RASGRP3: variants seen among roughly 807,000 people sequenced by gnomAD.
The protein encoded by RASGRP3 is ras guanyl-releasing protein 3.
RASGRP3 carries 54 observed loss-of-function variants against 82.7 expected under a neutral mutation model. The ratio of observed to expected loss-of-function variants is 0.65; its 90% CI spans 0.52 to 0.82. The LOEUF (loss-of-function observed/expected upper bound fraction) is 0.82, where lower values mean the gene tolerates loss of function less well. Ranked by LOEUF, RASGRP3 falls within the 40% of genes least tolerant of loss-of-function variation. The pLI is 0.00. For synonymous variants in RASGRP3, 309 were observed against 300.5 expected, an observed-to-expected ratio of 1.03 and a Z score of -0.29; for missense variants, 861 against 828.9, an observed-to-expected ratio of 1.04 and a Z score of -0.48.
chr2:33,545,618 C>A (rs1392312715), intron 13 of RASGRP3, among the ~76,000 whole-genome samples: 2 of 152,114 alleles, frequency 1.3e-5, no homozygotes, highest in East Asian at 3.8e-4. Flanking sequence ...TTGGCCTCTT[C>A]ATTATGAAAT....
At chr2:33,521,658 A>G (rs1190170273) in intron 6 of RASGRP3, among the ~76,000 whole-genome samples, 1 of 152,202 alleles carries the variant, frequency 6.6e-6, no homozygotes, top group Admixed American at 6.5e-5. Context: ...AAACTCCCAA[A>G]TTTATATACT....
chr2:33,449,764 A>G (rs1665688215), intron 2 of RASGRP3, among the ~76,000 whole-genome samples: 1 of 152,222 alleles, frequency 6.6e-6, no homozygotes, highest in South Asian at 2.1e-4. Flanking sequence ...TCTCCAAAAA[A>G]AAAAGGAATA....
chr2:33,452,000 GGCTACTGTTGAA>G (rs1328732599), intron 2 of RASGRP3, among the ~76,000 whole-genome samples: 4 of 151,722 alleles, frequency 2.6e-5, no homozygotes, highest in African/African-American at 9.7e-5. Context: ...GCTTGATTGA[GGCTACTGTTGAA>G]GCTCTCTATG....
chr2:33,447,373 A>G lies in RASGRP3; in HGVS notation c.-384-447A>G, dbSNP rs369862501. 6.6e-5 allele frequency among the ~76,000 whole-genome samples: 10 copies of G among 152,180 alleles called. No individual in the cohort carries two copies. In the South Asian group the frequency reaches 1.0e-3, roughly 16 times the overall value. On this transcript the variant is annotated intron_variant, in intron 1 of 18. Transcript: ENST00000402538. ...CTCTGGTAATGGAGGCCCTCTGACA[A>G]AGACAAAACATAGGGTAATTGTGCC... is the stretch of plus-strand genomic sequence containing the variant.
intron 2 of RASGRP3, among the ~76,000 whole-genome samples, chr2:33,512,836 AAC>A (rs1261345159): frequency 2.0e-5 from 3 of 152,224 alleles, no homozygotes; most frequent in African/African-American, 7.2e-5. Flanking sequence ...CCAGAGAACA[AAC>A]ACAAAAATCC....
At chr2:33,475,679 A>G (rs747729303), upstream of RASGRP3, among the ~76,000 whole-genome samples, 8 of 152,194 alleles carry the variant, frequency 5.3e-5, no homozygotes, top group Non-Finnish European at 8.8e-5. Context: ...AAAGTCAGAT[A>G]CTTCAAGGGC....
intron 12 of RASGRP3, among the ~76,000 whole-genome samples, chr2:33,542,657 T>TCCC (rs371980711): frequency 5.6e-5 from 8 of 143,374 alleles, no homozygotes; most frequent in African/African-American, 2.0e-4. Context: ...ACCTCCTCTT[T>TCCC]CCCCCCCCCA....
At chr2:33,537,384 G>A (rs1181397841) in intron 11 of RASGRP3, among the ~76,000 whole-genome samples, 6 of 134,156 alleles carry the variant, frequency 4.5e-5, no homozygotes, top group South Asian at 2.4e-4. Context: ...TTTTTGAAAC[G>A]GAGTCTTGCT....
In RASGRP3 at chr2:33,516,627, A is replaced by G. The variant is rs375072987; in HGVS notation, c.156A>G (p.Ala52=). The stretch of plus-strand genomic sequence containing the variant: ...GGTATTTATCTTCCACTGAATTGGC[A>G]GAAAAACTTCTCTGCATATATCTTT... The part of the protein sequence containing the change: ...HRWYLSSTEL[A]EKLLCMYRNA... The change falls in exon 4 of 18, where the codon GCA becomes GCG. Residue 52 remains alanine (A), a synonymous_variant. Coordinates refer to ENST00000403687, the MANE Select transcript of RASGRP3 (RefSeq NM_001139488.2). 2.8e-5 allele frequency: 44 copies of G among 1,568,478 alleles called. No homozygotes were observed. The African/African-American group carries it at 4.4e-4, about 16-fold the overall frequency.
chr2:33,439,152 A>C (rs553454425), intron 1 of RASGRP3, among the ~76,000 whole-genome samples: 1 of 152,328 alleles, frequency 6.6e-6, no homozygotes, highest in East Asian at 1.9e-4. Flanking sequence ...GCAGCACCAC[A>C]CCATGAACAC....
chr2:33,559,445 CTT>C (rs1676398981), intron 17 of RASGRP3, among the ~76,000 whole-genome samples: 2 of 152,162 alleles, frequency 1.3e-5, no homozygotes, highest in South Asian at 2.1e-4. Flanking sequence ...GAATTGGAAA[CTT>C]TTCATTCTGC....
chr2:33,533,887 T>C (rs1339679456), intron 10 of RASGRP3: 1 of 163,026 alleles, frequency 6.1e-6, no homozygotes, highest in Non-Finnish European at 1.3e-5. Flanking sequence ...CTTGCCTCAC[T>C]AGGACTTAGC....
At chr2:33,506,572 A>G (rs1240408069) in intron 1 of RASGRP3, among the ~76,000 whole-genome samples, 3 of 152,264 alleles carry the variant, frequency 2.0e-5, no homozygotes, top group African/African-American at 4.8e-5. Context: ...TCTAAAATCC[A>G]GGACAATGTT....
chr2:33,527,397 G>T lies in RASGRP3; in HGVS notation c.1068G>T (p.Leu356Phe). Residue 356 changes from leucine (L) to phenylalanine (F), a missense_variant, in exon 10 of 18, where the codon TTG becomes TTT. Coordinates refer to ENST00000403687, the MANE Select transcript of RASGRP3 (RefSeq NM_001139488.2). ...ACCACTTAGAACCCAACATGGATTT[G>T]ATCAACCTGCTCACGGTGAGTTCCA... ...ASHHLEPNMD[L>F]INLLTLSLDL... The T allele has an allele frequency of 6.2e-7, 1 of 1,613,064 alleles. No homozygotes were observed. The highest frequency in any genetic ancestry group is 1.1e-5 in the South Asian group (1 of 90,974).
chr2:33,494,322 G>A (rs1480716081), intron 1 of RASGRP3, among the ~76,000 whole-genome samples: 2 of 152,186 alleles, frequency 1.3e-5, no homozygotes, highest in African/African-American at 4.8e-5. Flanking sequence ...ACCAAGGCTC[G>A]CAGCTGCACT....
chr2:33,507,759 C>A (rs1670529854), intron 1 of RASGRP3, among the ~76,000 whole-genome samples: 1 of 152,156 alleles, frequency 6.6e-6, no homozygotes, highest in African/African-American at 2.4e-5. Flanking sequence ...CTCCTGACCT[C>A]AAGTGATCCA....
At chr2:33,551,613 T>G (rs2367809) in intron 14 of RASGRP3, among the ~76,000 whole-genome samples, 117,338 of 151,750 alleles carry the variant, frequency 0.77, 45,586 homozygotes, top group Middle Eastern at 0.83. Context: ...GAGGCAGGGG[T>G]ATAGCTTGAG....
chr2:33,470,516 A>C (rs1558412093), intron 2 of RASGRP3, among the ~76,000 whole-genome samples: 1 of 151,682 alleles, frequency 6.6e-6, no homozygotes. Context: ...AGTAGCTGGG[A>C]CTACAGGCGC....
chr2:33,527,825 T>C (rs1034228701), intron 10 of RASGRP3, among the ~76,000 whole-genome samples: 4 of 152,212 alleles, frequency 2.6e-5, no homozygotes, highest in Non-Finnish European at 5.9e-5. Context: ...ACCTTATCTG[T>C]GATCCCCCTG....
Sources: gnomAD v4.1 joint callset for allele counts (sites outside exome capture counted in the v4.1 genomes callset) on GRCh38, gnomAD v4.1.1 for gene constraint, MANE v1.5 for transcripts, NCBI Gene and HGNC (gene_info 2026-07-23, HGNC 2026-07-21) for gene names.